The following SGCZ variants were observed in gnomAD, a reference collection of about 807,000 sequenced individuals.
SGCZ encodes sarcoglycan zeta.
A neutral mutation model predicts 41.3 loss-of-function variants in SGCZ; 40 were observed. The observed-to-expected ratio is 0.97, with a 90% CI of 0.75 to 1.26. The LOEUF (loss-of-function observed/expected upper bound fraction) is 1.26. Among genes scored for constraint, SGCZ ranks in the 50% most tolerant of loss-of-function variants. The pLI is 0.00. For missense variants in SGCZ, 552 were observed against 369.8 expected (o/e 1.49, Z -4.04); for synonymous variants, 206 against 137.5 (o/e 1.50, Z -3.49).
intron 1 of SGCZ, among the ~76,000 whole-genome samples, chr8:14,867,965 G>A (rs889802985): frequency 6.6e-5 from 10 of 151,264 alleles, no homozygotes; most frequent in African/African-American, 2.2e-4. Context: ...AAATTTTGTG[G>A]GAAAAACATT....
At chr8:14,227,800 C>G (rs1324960625) in intron 4 of SGCZ, among the ~76,000 whole-genome samples, 1 of 151,966 alleles carries the variant, frequency 6.6e-6, no homozygotes, top group African/African-American at 2.4e-5. Flanking sequence ...GTTTATTTTT[C>G]TGGTATATGC....
chr8:14,152,234 C>CA (rs143508388), intron 5 of SGCZ, among the ~76,000 whole-genome samples: 5,361 of 151,644 alleles, frequency 0.035, 313 homozygotes, highest in African/African-American at 0.12. Context: ...AAAACCATAA[C>CA]AAAAAAAACT....
intron 1 of SGCZ, among the ~76,000 whole-genome samples, chr8:15,020,114 A>C (rs1051915442): frequency 1.3e-5 from 2 of 151,990 alleles, no homozygotes; most frequent in South Asian, 2.1e-4. Flanking sequence ...AGACTCCCCA[A>C]ACTAGATTGG....
intron 1 of SGCZ, among the ~76,000 whole-genome samples, chr8:14,987,506 A>C (rs1257014818): frequency 2.0e-5 from 3 of 151,954 alleles, no homozygotes; most frequent in Admixed American, 2.0e-4. Flanking sequence ...TATTAAGCAA[A>C]TACTGTAATA....
Position 14,811,518 on chromosome 8 carries a change from C to CTTTTTTTTTTTTT in SGCZ, c.40-256605_40-256593dup, listed in dbSNP as rs71209087. Among the ~76,000 whole-genome samples the CTTTTTTTTTTTTT allele has an allele frequency of 8.0e-5, 4 of 49,744 alleles. 2 individuals are homozygous for CTTTTTTTTTTTTT. Among genetic ancestry groups the CTTTTTTTTTTTTT allele is most frequent in the African/African-American group, 1.6e-4 (2 of 12,898 alleles). 32.6% of individuals were successfully genotyped at this position (49,744 alleles called of 152,430 possible). The stretch of plus-strand genomic sequence containing the variant: ...AAACATTCGCTGAAAGACACTGCAT[C>CTTTTTTTTTTTTT]TTTTTTTTTTTTTTTTTTTTTTTTT... On this transcript the variant is annotated intron_variant, in intron 1 of 7. Transcript: ENST00000382080.
At chr8:15,209,384 C>T (rs1305156251) in intron 1 of SGCZ, among the ~76,000 whole-genome samples, 1 of 130,906 alleles carries the variant, frequency 7.6e-6, no homozygotes, top group Non-Finnish European at 1.6e-5. Flanking sequence ...AAGACCCATG[C>T]TCAATTTTCA....
rs532065041 is a variant in SGCZ, at chr8:14,630,889, G to C, written c.40-75963C>G. Among the ~76,000 whole-genome samples, 471 of 149,250 alleles carry C rather than the reference G, an allele frequency of 3.2e-3. 1 individual carries two copies. Among genetic ancestry groups the C allele is most frequent in the African/African-American group, 0.011 (443 of 40,542 alleles). Reference sequence around the variant, plus strand: ...CCTGTTGTGGGGTGGGGGGAGGGGAGAGGGATAGCATTAGGAGATATACCT... The same window carrying C: ...CCTGTTGTGGGGTGGGGGGAGGGGACAGGGATAGCATTAGGAGATATACCT... On this transcript the variant is annotated intron_variant, in intron 1 of 7. Coordinates refer to ENST00000382080, the MANE Select transcript of SGCZ (RefSeq NM_139167.4).
chr8:15,012,844 T>G (rs1802891228), intron 1 of SGCZ, among the ~76,000 whole-genome samples: 1 of 151,270 alleles, frequency 6.6e-6, no homozygotes. Context: ...ACATTTCTTT[T>G]TCAGTAATTT....
At chr8:14,359,946 T>G (rs546182478) in intron 2 of SGCZ, among the ~76,000 whole-genome samples, 57 of 152,284 alleles carry the variant, frequency 3.7e-4, no homozygotes, top group Middle Eastern at 3.4e-3. Flanking sequence ...CTCACGGATG[T>G]AAGCATGGTT....
At chr8:14,820,065 A>G (rs1802028032) in intron 1 of SGCZ, among the ~76,000 whole-genome samples, 1 of 152,022 alleles carries the variant, frequency 6.6e-6, no homozygotes, top group South Asian at 2.1e-4. Context: ...ATTAAAACAT[A>G]AGGTATAGAG....
At chr8:15,183,793 T>C (rs1464008841) in intron 1 of SGCZ, among the ~76,000 whole-genome samples, 2 of 152,218 alleles carry the variant, frequency 1.3e-5, no homozygotes, top group Admixed American at 6.5e-5. Context: ...TACTGGGCAT[T>C]ATGGTAATGC....
At chr8:14,374,689 C>T (rs931022947) in intron 2 of SGCZ, among the ~76,000 whole-genome samples, 5 of 152,072 alleles carry the variant, frequency 3.3e-5, no homozygotes, top group African/African-American at 1.2e-4. Flanking sequence ...AGCTCATTGG[C>T]TTGGGAGTAG....
At chr8:14,300,744 T>A (rs934199623) in intron 3 of SGCZ, among the ~76,000 whole-genome samples, 2 of 151,886 alleles carry the variant, frequency 1.3e-5, no homozygotes, top group Non-Finnish European at 2.9e-5. Flanking sequence ...TTTTAAAAAT[T>A]TATCTCTTAG....
At chr8:14,464,880 G>A (rs560019511) in intron 2 of SGCZ, among the ~76,000 whole-genome samples, 1 of 151,468 alleles carries the variant, frequency 6.6e-6, no homozygotes, top group South Asian at 2.1e-4. Flanking sequence ...ATAAATATGT[G>A]AATTTTCCTG....
intron 1 of SGCZ, among the ~76,000 whole-genome samples, chr8:14,967,882 G>A (rs1801171947): frequency 6.6e-6 from 1 of 152,052 alleles, no homozygotes; most frequent in African/African-American, 2.4e-5. Context: ...GCATCCCCGA[G>A]GTGAACAGCC....
At chr8:14,331,757 T>C (rs996489203) in intron 2 of SGCZ, among the ~76,000 whole-genome samples, 3 of 151,912 alleles carry the variant, frequency 2.0e-5, no homozygotes, top group Non-Finnish European at 1.5e-5. Flanking sequence ...AAGTTTTTAA[T>C]ATACTTTTGT....
At chr8:14,182,010 T>C (rs1041611378) in intron 4 of SGCZ, among the ~76,000 whole-genome samples, 24 of 152,160 alleles carry the variant, frequency 1.6e-4, no homozygotes, top group African/African-American at 4.8e-5. Context: ...ATTGGAGATA[T>C]GTTTTACTAG....
intron 1 of SGCZ, among the ~76,000 whole-genome samples, chr8:14,915,580 A>T (rs1799410649): frequency 6.6e-6 from 1 of 152,144 alleles, no homozygotes; most frequent in African/African-American, 2.4e-5. Context: ...AAAAGCAGAC[A>T]AGATGGCACC....
intron 2 of SGCZ, among the ~76,000 whole-genome samples, chr8:14,479,525 C>T (rs1289895061): frequency 6.6e-6 from 1 of 152,068 alleles, no homozygotes; most frequent in Admixed American, 6.6e-5. Context: ...TCCTTCAATC[C>T]AATCAAATTG....
Sources: allele counts gnomAD v4.1 joint callset (sites outside exome capture counted in the v4.1 genomes callset), GRCh38; gene constraint gnomAD v4.1.1; transcripts MANE v1.5; gene names NCBI Gene and HGNC (gene_info 2026-07-23, HGNC 2026-07-21).